The following HTR2C variants were observed in gnomAD, a reference collection of about 807,000 sequenced individuals.
HTR2C encodes the protein 5-hydroxytryptamine receptor 2C.
In HTR2C, 5 loss-of-function variants were observed where a neutral mutation model predicts 21.0. That is an observed-to-expected ratio of 0.24 (90% confidence interval 0.12 to 0.50). The LOEUF (loss-of-function observed/expected upper bound fraction) is 0.50. HTR2C is among the 20% of genes least tolerant of loss of function. The pLI, the probability that HTR2C is intolerant of heterozygous loss-of-function variation, is 0.98. For missense variants in HTR2C, 271 were observed against 371.2 expected (o/e 0.73, Z 2.22); for synonymous variants, 150 against 145.3 (o/e 1.03, Z -0.23).
At chrX:114,786,671 G>A (rs1483209137) in intron 4 of HTR2C, among the ~76,000 whole-genome samples, 4 of 110,629 alleles carry the variant, frequency 3.6e-5, no homozygotes, top group Non-Finnish European at 5.7e-5. Flanking sequence ...ATTAGGTTGA[G>A]GTATATGAAA....
chrX:114,764,017 G>T (rs1249581067), intron 4 of HTR2C, among the ~76,000 whole-genome samples: 1 of 111,733 alleles, frequency 8.9e-6, no homozygotes, highest in Non-Finnish European at 1.9e-5. Flanking sequence ...GAAGAATACA[G>T]TCCAGAGGTC....
intron 5 of HTR2C, among the ~76,000 whole-genome samples, chrX:114,896,646 TAA>T (rs1201361563): frequency 8.9e-6 from 1 of 112,320 alleles, no homozygotes; most frequent in African/African-American, 3.2e-5. Flanking sequence ...TGTCTGACAA[TAA>T]TATAGCCATG....
chrX:114,882,341 T>G (rs2071187824), intron 5 of HTR2C, among the ~76,000 whole-genome samples: 1 of 110,412 alleles, frequency 9.1e-6, no homozygotes, highest in South Asian at 3.7e-4. Context: ...ATTTTCTTTT[T>G]GTTGCTTAAT....
chrX:114,725,224 C>T (rs1556421619), intron 2 of HTR2C, among the ~76,000 whole-genome samples: 2 of 110,899 alleles, frequency 1.8e-5, no homozygotes, highest in Non-Finnish European at 3.8e-5. Context: ...TCTTTTTATT[C>T]TTTTTTCTCT....
rs2071393581 is a variant in HTR2C at position 114,908,691 on chromosome X, A to G, written c.*1276A>G. The G allele has an allele frequency of 8.9e-6, 1 of 112,527 alleles. No individual in the cohort carries two copies. The highest frequency in any genetic ancestry group is 1.9e-5 in the Non-Finnish European group (1 of 53,270). The allele number at this position is 112,527 out of a possible 1,213,427, so 9.3% of individuals were successfully genotyped here. A position where few individuals can be genotyped will look rare whatever the true frequency, so the allele number is the denominator to read the frequency against. On this transcript the variant is annotated 3_prime_UTR_variant, in exon 6 of 6. Coordinates refer to ENST00000276198, the MANE Select transcript of HTR2C (RefSeq NM_000868.4). The stretch of plus-strand genomic sequence containing the variant: ...ACTGCAGTTATTTACCAGAAGTTTA[A>G]ATCTTTGTTAAAATATAGTGTTGTG...
At chrX:114,745,460 A>G (rs1395470294) in intron 4 of HTR2C, among the ~76,000 whole-genome samples, 1 of 112,212 alleles carries the variant, frequency 8.9e-6, no homozygotes, top group African/African-American at 3.2e-5. Context: ...GGGAATATAC[A>G]CAAAAGAAAG....
chrX:114,889,253 A>T (rs1272396476), intron 5 of HTR2C, among the ~76,000 whole-genome samples: 7 of 111,993 alleles, frequency 6.3e-5, no homozygotes, highest in African/African-American at 2.3e-4. Context: ...TTGGACAGAG[A>T]TTACCTTAAT....
chrX:114,722,642 G>A, intron 2 of HTR2C, among the ~76,000 whole-genome samples: 1 of 105,734 alleles, frequency 9.5e-6, no homozygotes, highest in Non-Finnish European at 2.0e-5. Context: ...TATGATATTG[G>A]CTGTGGGTTT....
At chrX:114,810,794 G>A (rs2070523623) in intron 4 of HTR2C, among the ~76,000 whole-genome samples, 1 of 108,271 alleles carries the variant, frequency 9.2e-6, no homozygotes. Context: ...GTTCAATTTG[G>A]TGTTCCTGTG....
intron 2 of HTR2C, among the ~76,000 whole-genome samples, chrX:114,704,261 G>C (rs1176237706): frequency 9.0e-6 from 1 of 111,334 alleles, no homozygotes; most frequent in East Asian, 2.8e-4. Context: ...AACCAAAAAA[G>C]AGAATTTTAG....
At chrX:114,701,062 C>T (rs1453441214) in intron 2 of HTR2C, among the ~76,000 whole-genome samples, 6 of 112,084 alleles carry the variant, frequency 5.4e-5, no homozygotes, top group African/African-American at 1.6e-4. Context: ...CCGGGAAGCT[C>T]GAACTGGGTG....
chrX:114,754,253 C>T (rs782440351), intron 4 of HTR2C, among the ~76,000 whole-genome samples: 7 of 111,520 alleles, frequency 6.3e-5, no homozygotes, highest in South Asian at 3.8e-4. Context: ...TAATGCAATT[C>T]CTACCAAAAC....
intron 4 of HTR2C, among the ~76,000 whole-genome samples, chrX:114,751,974 C>T (rs782466155): frequency 1.8e-5 from 2 of 111,674 alleles, no homozygotes; most frequent in South Asian, 3.7e-4. Context: ...AACTATAAAA[C>T]GGAACTAATT....
chrX:114,688,845 T>C (rs1932010672), intron 2 of HTR2C, among the ~76,000 whole-genome samples: 1 of 110,680 alleles, frequency 9.0e-6, no homozygotes, highest in African/African-American at 3.3e-5. Context: ...TTTATTATTA[T>C]TATTTCAACA....
At chrX:114,829,361 A>G (rs2070702119) in intron 4 of HTR2C, among the ~76,000 whole-genome samples, 1 of 111,391 alleles carries the variant, frequency 9.0e-6, no homozygotes, top group African/African-American at 3.3e-5. Flanking sequence ...TGTATATCTC[A>G]TTTGGAGAAA....
intron 4 of HTR2C, among the ~76,000 whole-genome samples, chrX:114,795,277 T>C (rs1556444879): frequency 9.0e-6 from 1 of 111,627 alleles, no homozygotes; most frequent in African/African-American, 3.3e-5. Flanking sequence ...CTTTGTCAGA[T>C]GAGCAGGTTG....
At chrX:114,669,467 G>A (rs1556411326) in intron 2 of HTR2C, among the ~76,000 whole-genome samples, 2 of 111,798 alleles carry the variant, frequency 1.8e-5, no homozygotes. Context: ...ATGATCATAT[G>A]AATTGGGAAT....
intron 2 of HTR2C, among the ~76,000 whole-genome samples, chrX:114,672,693 C>T (rs1339438267): frequency 8.9e-6 from 1 of 111,855 alleles, no homozygotes; most frequent in Admixed American, 9.5e-5. Context: ...TACACATGCA[C>T]ACAACCAATT....
At chrX:114,615,664 G>A (rs1250041110) in intron 2 of HTR2C, among the ~76,000 whole-genome samples, 1 of 111,567 alleles carries the variant, frequency 9.0e-6, no homozygotes, top group Non-Finnish European at 1.9e-5. Context: ...TGTGAAGTTC[G>A]CCAATTTCAT....
Sources: allele counts gnomAD v4.1 joint callset (sites outside exome capture counted in the v4.1 genomes callset), GRCh38; gene constraint gnomAD v4.1.1; transcripts MANE v1.5; gene names NCBI Gene and HGNC (gene_info 2026-07-23, HGNC 2026-07-21).